POU6F2: variants seen among roughly 807,000 people sequenced by gnomAD.
The protein encoded by POU6F2 is POU domain, class 6, transcription factor 2.
In POU6F2, 31 loss-of-function variants were observed where a neutral mutation model predicts 71.3. That is an observed-to-expected ratio of 0.43 (90% CI 0.33 to 0.59). The LOEUF is 0.59. Among genes scored for constraint, POU6F2 ranks in the 20% least tolerant of loss-of-function variants. The probability of loss-of-function intolerance (pLI) is 0.04; values close to 1 mark genes in which losing one functional copy is unlikely to be tolerated. For synonymous variants in POU6F2, 347 were observed against 355.7 expected, an observed-to-expected ratio of 0.98 and a Z score of 0.27; for missense variants, 783 against 856.8, an observed-to-expected ratio of 0.91 and a Z score of 1.07.
chr7:39,441,211 G>T (rs988937310), intron 7 of POU6F2, among the ~76,000 whole-genome samples: 3 of 151,038 alleles, frequency 2.0e-5, no homozygotes, highest in Non-Finnish European at 4.4e-5. Flanking sequence ...CGTGTAAAAG[G>T]TATTTTTAAA....
chr7:39,200,165 G>T (rs537726503), intron 2 of POU6F2, among the ~76,000 whole-genome samples: 213 of 152,288 alleles, frequency 1.4e-3, no homozygotes, highest in African/African-American at 4.9e-3. Flanking sequence ...TTCAGAAAAC[G>T]GATTGCATAT....
At chr7:39,076,294 A>C (rs1325511203) in intron 1 of POU6F2, among the ~76,000 whole-genome samples, 1 of 149,786 alleles carries the variant, frequency 6.7e-6, no homozygotes, top group East Asian at 2.0e-4. Flanking sequence ...AGTCAAACAC[A>C]CTTACTGAGA....
intron 2 of POU6F2, among the ~76,000 whole-genome samples, chr7:39,151,446 T>G (rs964478015): frequency 6.6e-6 from 1 of 152,172 alleles, no homozygotes; most frequent in Non-Finnish European, 1.5e-5. Context: ...GCTTCATTAG[T>G]CCAGAAGTCG....
chr7:39,134,020 G>A (rs566042032), intron 2 of POU6F2, among the ~76,000 whole-genome samples: 7 of 151,910 alleles, frequency 4.6e-5, no homozygotes, highest in Non-Finnish European at 7.4e-5. Context: ...AACTACAGGC[G>A]TGTACCACCA....
intron 2 of POU6F2, among the ~76,000 whole-genome samples, chr7:39,183,091 T>A (rs1793467050): frequency 6.6e-6 from 1 of 152,150 alleles, no homozygotes; most frequent in Non-Finnish European, 1.5e-5. Context: ...CTGCTTGAGC[T>A]CCACCTCCTG....
chr7:39,100,253 AT>A (rs1791540513), intron 2 of POU6F2, among the ~76,000 whole-genome samples: 1 of 152,266 alleles, frequency 6.6e-6, no homozygotes, highest in African/African-American at 2.4e-5. Context: ...CCTCAAAAAA[AT>A]CTATCAGTGC....
intron 4 of POU6F2, among the ~76,000 whole-genome samples, chr7:39,238,889 A>T (rs1794725279): frequency 6.6e-6 from 1 of 152,174 alleles, no homozygotes; most frequent in African/African-American, 2.4e-5. Flanking sequence ...ACACACAGAA[A>T]CGTGGGACCA....
At chr7:39,282,456 T>C (rs1025025914) in intron 4 of POU6F2, among the ~76,000 whole-genome samples, 1 of 152,194 alleles carries the variant, frequency 6.6e-6, no homozygotes, top group Non-Finnish European at 1.5e-5. Flanking sequence ...AATTGATTTT[T>C]GTATGTGATG....
intron 6 of POU6F2, among the ~76,000 whole-genome samples, chr7:39,407,311 G>A (rs141805403): frequency 2.1e-3 from 323 of 151,866 alleles, no homozygotes; most frequent in Middle Eastern, 0.01. Context: ...CAATTCCTAC[G>A]GAAGCCAGGC....
chr7:39,232,271 C>T (rs1387911776), intron 4 of POU6F2, among the ~76,000 whole-genome samples: 11 of 152,030 alleles, frequency 7.2e-5, no homozygotes, highest in African/African-American at 2.7e-4. Context: ...AGCTGTTCTT[C>T]TTTCCAAGCA....
At chr7:39,058,753 T>C (rs1331605322) in intron 1 of POU6F2, among the ~76,000 whole-genome samples, 1 of 152,206 alleles carries the variant, frequency 6.6e-6, no homozygotes, top group Non-Finnish European at 1.5e-5. Context: ...ATTTATCAGT[T>C]TTGTATTGGA....
intron 6 of POU6F2, among the ~76,000 whole-genome samples, chr7:39,407,811 C>T (rs913495999): frequency 6.6e-6 from 1 of 152,126 alleles, no homozygotes; most frequent in African/African-American, 2.4e-5. Flanking sequence ...AAAAAGCTGA[C>T]CTTGTTTTAT....
Position 39,464,994 on chromosome 7 carries a change from A to G in POU6F2, c.*308A>G, listed in dbSNP as rs1789035983. The G allele has an allele frequency of 9.7e-6, 3 of 309,802 alleles. No individual in the cohort carries two copies. The highest frequency in any genetic ancestry group is 1.6e-4 in the South Asian group (2 of 12,256). 19.2% of individuals were successfully genotyped at this position (309,802 alleles called of 1,614,324 possible). A position where few individuals can be genotyped will look rare whatever the true frequency, so the allele number is the denominator to read the frequency against. On this transcript the variant is annotated 3_prime_UTR_variant, in exon 10 of 10. Coordinates refer to ENST00000518318, the MANE Select transcript of POU6F2 (RefSeq NM_001370959.1). The surrounding 1 kb of genome is among the most constrained non-coding windows in gnomAD (Gnocchi z 4.1). Reference sequence around the variant, plus strand: ...TGTCTCCCCCAAAGCCAGTTTTTTAATGGACTTAAAGCAAACCAAATAACC... The same window carrying G: ...TGTCTCCCCCAAAGCCAGTTTTTTAGTGGACTTAAAGCAAACCAAATAACC...
At position 39,406,922 on chromosome 7, in the gene POU6F2, A is replaced by G. The variant is rs181814122; in HGVS notation, c.1113+182A>G. Among the ~76,000 whole-genome samples, 7 of 152,092 alleles carry G rather than the reference A, an allele frequency of 4.6e-5. No individual in the cohort carries two copies. In the East Asian group the frequency reaches 1.4e-3, roughly 30 times the overall value. ...GGTGTTTCTATGTTTTAGAAGCAAGATTTTTTTCCTACCTCTAGATTGCCA... is the reference window on the plus strand; with the variant it reads ...GGTGTTTCTATGTTTTAGAAGCAAGGTTTTTTTCCTACCTCTAGATTGCCA... On this transcript the variant is annotated intron_variant, in intron 6 of 9. Coordinates refer to ENST00000518318, the MANE Select transcript of POU6F2 (RefSeq NM_001370959.1).
At chr7:39,159,049 G>A (rs896407811) in intron 2 of POU6F2, among the ~76,000 whole-genome samples, 6 of 151,872 alleles carry the variant, frequency 4.0e-5, no homozygotes, top group South Asian at 2.1e-4. Context: ...GTGGTGGTGC[G>A]TGCCTGTAAT....
intron 2 of POU6F2, among the ~76,000 whole-genome samples, chr7:39,116,256 G>T (rs1791926911): frequency 1.3e-5 from 2 of 152,126 alleles, no homozygotes; most frequent in Non-Finnish European, 1.5e-5. Context: ...ATGGTGGCAT[G>T]CACCTGTAGT....
At chr7:39,233,727 AC>A (rs1258243780) in intron 4 of POU6F2, among the ~76,000 whole-genome samples, 1 of 152,000 alleles carries the variant, frequency 6.6e-6, no homozygotes, top group Non-Finnish European at 1.5e-5. Context: ...TGTGAATGCC[AC>A]CCCCCAACAC....
At chr7:39,128,383 G>A (rs2128728977) in intron 2 of POU6F2, among the ~76,000 whole-genome samples, 1 of 152,294 alleles carries the variant, frequency 6.6e-6, no homozygotes, top group Non-Finnish European at 1.5e-5. Context: ...CCTCCCAAAT[G>A]TACAGGAGCT....
chr7:39,033,441 C>G (rs951867549), intron 1 of POU6F2, among the ~76,000 whole-genome samples: 1 of 152,152 alleles, frequency 6.6e-6, no homozygotes, highest in African/African-American at 2.4e-5. Context: ...GCCGAATGAT[C>G]TGAGATTACA....
Sources: allele counts gnomAD v4.1 joint callset (sites outside exome capture counted in the v4.1 genomes callset), GRCh38; gene constraint gnomAD v4.1.1; non-coding constraint Gnocchi (gnomAD v3.1); transcripts MANE v1.5; gene names NCBI Gene and HGNC (gene_info 2026-07-23, HGNC 2026-07-21).